Variants in DLGAP2 observed in about 807,000 individuals in gnomAD.
The protein encoded by DLGAP2 is DLG associated protein 2, also known as disks large-associated protein 2.
In DLGAP2, 26 loss-of-function variants were observed where a neutral mutation model predicts 100.3. That is an observed-to-expected ratio of 0.26 (90% CI 0.19 to 0.36). DLGAP2 has a LOEUF of 0.36. DLGAP2 is among the 10% of genes least tolerant of loss of function. DLGAP2 has a pLI of 1.00. For synonymous variants in DLGAP2, 886 were observed against 630.1 expected, an observed-to-expected ratio of 1.41 and a Z score of -6.08; for missense variants, 1,858 against 1,453.2, an observed-to-expected ratio of 1.28 and a Z score of -4.53.
At chr8:1,193,641 C>G (rs1435363918) in intron 2 of DLGAP2, among the ~76,000 whole-genome samples, 1 of 152,160 alleles carries the variant, frequency 6.6e-6, no homozygotes, top group African/African-American at 2.4e-5. Flanking sequence ...TAGGTTGCTT[C>G]CCTGGCACGG....
At chr8:1,255,318 G>A (rs1259755409) in intron 2 of DLGAP2, among the ~76,000 whole-genome samples, 1 of 101,416 alleles carries the variant, frequency 9.9e-6, no homozygotes, top group Admixed American at 9.1e-5. Context: ...ATCCTGCCCG[G>A]GTGCTGTGTG....
chr8:1,309,647 T>A (rs1800567623), intron 3 of DLGAP2, among the ~76,000 whole-genome samples: 1 of 152,158 alleles, frequency 6.6e-6, no homozygotes. Context: ...AAGTGAAAGG[T>A]CTTCAGCGAT....
At chr8:1,158,717 G>A (rs978777756) in intron 2 of DLGAP2, among the ~76,000 whole-genome samples, 4 of 152,226 alleles carry the variant, frequency 2.6e-5, no homozygotes, top group East Asian at 1.9e-4. Context: ...TGTGGGCTGC[G>A]CACCCAGAGC....
chr8:1,616,568 C>G lies in DLGAP2; in HGVS notation c.1443-10172C>G, dbSNP rs141615369. 9.3e-4 allele frequency among the ~76,000 whole-genome samples: 142 copies of G among 152,030 alleles called. 1 individual carries two copies. Among genetic ancestry groups the G allele is most frequent in the African/African-American group, 3.2e-3 (132 of 41,458 alleles). ...GCCTTATTGTCAGAAGCAATGGGAGCCAGAAGACAATGGAATCATACCTTT... is the reference window on the plus strand; with the variant it reads ...GCCTTATTGTCAGAAGCAATGGGAGGCAGAAGACAATGGAATCATACCTTT... On this transcript the variant is annotated intron_variant, in intron 6 of 14. Coordinates refer to ENST00000637795, the MANE Select transcript of DLGAP2 (RefSeq NM_001346810.2).
At chr8:1,198,346 C>T (rs752871495) in intron 2 of DLGAP2, among the ~76,000 whole-genome samples, 1 of 152,320 alleles carries the variant, frequency 6.6e-6, no homozygotes, top group East Asian at 1.9e-4. Flanking sequence ...ACAACAACAG[C>T]TTCGTCGTGG....
rs962852532 is a variant in DLGAP2 at position 1,578,385 on chromosome 8, A to G, written c.1442+12491A>G. Reference sequence around the variant, plus strand: ...ACCCCGGAAGTTATCGGGCACACCAAGTCCTTGGGAGGCTCTGGGCACCTG... The same window carrying G: ...ACCCCGGAAGTTATCGGGCACACCAGGTCCTTGGGAGGCTCTGGGCACCTG... On this transcript the variant is annotated intron_variant, in intron 6 of 14. Coordinates refer to ENST00000637795, the MANE Select transcript of DLGAP2 (RefSeq NM_001346810.2). Among the ~76,000 whole-genome samples the G allele has an allele frequency of 3.3e-5, 5 of 152,324 alleles. No homozygotes were observed. In the South Asian group the frequency reaches 1.0e-3, roughly 32 times the overall value.
At chr8:1,344,941 T>A (rs1801520656) in intron 3 of DLGAP2, among the ~76,000 whole-genome samples, 1 of 152,196 alleles carries the variant, frequency 6.6e-6, no homozygotes, top group African/African-American at 2.4e-5. Flanking sequence ...TGAAGAGGAC[T>A]CAACATCACC....
intron 2 of DLGAP2, among the ~76,000 whole-genome samples, chr8:1,188,198 C>T (rs1187949987): frequency 5.0e-5 from 7 of 139,022 alleles, no homozygotes; most frequent in Admixed American, 1.4e-4. Flanking sequence ...ACCTCTGTGA[C>T]GTTTCCCTCA....
At chr8:960,346 G>A (rs927558540) in intron 2 of DLGAP2, among the ~76,000 whole-genome samples, 1 of 145,000 alleles carries the variant, frequency 6.9e-6, no homozygotes, top group African/African-American at 2.5e-5. Context: ...ATCGATTCTC[G>A]TGCCTCAGCC....
At chr8:1,278,949 A>C (rs893865133) in intron 3 of DLGAP2, among the ~76,000 whole-genome samples, 1 of 152,230 alleles carries the variant, frequency 6.6e-6, no homozygotes, top group African/African-American at 2.4e-5. Flanking sequence ...TACATGAGTA[A>C]AGTCACTTAT....
intron 5 of DLGAP2, among the ~76,000 whole-genome samples, chr8:1,550,830 C>T (rs189661362): frequency 4.6e-4 from 70 of 152,320 alleles, no homozygotes; most frequent in African/African-American, 1.6e-3. Context: ...TGACTTCCAT[C>T]AGTCGATAGC....
chr8:814,447 C>A (rs1351488864), intron 1 of DLGAP2, among the ~76,000 whole-genome samples: 1 of 152,118 alleles, frequency 6.6e-6, no homozygotes, highest in Non-Finnish European at 1.5e-5. Flanking sequence ...GGCATGGAGA[C>A]TTTATGTAAC....
intron 2 of DLGAP2, among the ~76,000 whole-genome samples, chr8:909,032 GA>G (rs1798434108): frequency 6.6e-6 from 1 of 152,138 alleles, no homozygotes; most frequent in Non-Finnish European, 1.5e-5. Flanking sequence ...GGTGTATTGA[GA>G]AAAATACAAT....
At chr8:1,137,021 C>T (rs1796429034) in intron 2 of DLGAP2, among the ~76,000 whole-genome samples, 1 of 152,208 alleles carries the variant, frequency 6.6e-6, no homozygotes, top group South Asian at 2.1e-4. Flanking sequence ...GCCATGATCC[C>T]AGAATGGCTC....
At chr8:1,090,798 T>G (rs145863709) in intron 2 of DLGAP2, among the ~76,000 whole-genome samples, 1 of 152,228 alleles carries the variant, frequency 6.6e-6, no homozygotes, top group Non-Finnish European at 1.5e-5. Flanking sequence ...AAAAGCTGAA[T>G]GTAGGGAAAA....
intron 3 of DLGAP2, chr8:1,301,274 C>G (rs897864371): frequency 2.0e-5 from 3 of 151,900 alleles, no homozygotes; most frequent in African/African-American, 7.3e-5. Flanking sequence ...GACAGCACCA[C>G]GTCCCACCCT....
chr8:1,298,530 A>G (rs924463655), intron 3 of DLGAP2, among the ~76,000 whole-genome samples: 1 of 152,100 alleles, frequency 6.6e-6, no homozygotes, highest in Non-Finnish European at 1.5e-5. Flanking sequence ...GAGGCAGCGT[A>G]CCCTGCAGAA....
intron 3 of DLGAP2, among the ~76,000 whole-genome samples, chr8:1,414,821 C>T (rs939440739): frequency 2.0e-5 from 3 of 152,120 alleles, no homozygotes; most frequent in Admixed American, 2.0e-4. Flanking sequence ...CCAGCCTGGC[C>T]AACATGGCAA....
intron 3 of DLGAP2, among the ~76,000 whole-genome samples, chr8:1,335,455 G>T (rs780875849): frequency 2.0e-5 from 3 of 152,180 alleles, no homozygotes; most frequent in African/African-American, 7.2e-5. Context: ...AAAACCAAAC[G>T]GGACAGTGTG....
Sources: allele counts gnomAD v4.1 joint callset (sites outside exome capture counted in the v4.1 genomes callset), GRCh38; gene constraint gnomAD v4.1.1; transcripts MANE v1.5; gene names NCBI Gene and HGNC (gene_info 2026-07-23, HGNC 2026-07-21).